The following NR2F1-AS1 variants were observed in gnomAD, a reference collection of about 807,000 sequenced individuals.
NR2F1-AS1 encodes the protein NR2F1 antisense RNA 1.
chr5:93,489,911 G>A (rs1387288651), intron 4 of NR2F1-AS1, among the ~76,000 whole-genome samples: 3 of 152,152 alleles, frequency 2.0e-5, no homozygotes, highest in Non-Finnish European at 4.4e-5. Flanking sequence ...GTGATTTTAT[G>A]TTCCTGCAAA....
At chr5:93,471,606 T>A (rs948096818) in intron 4 of NR2F1-AS1, among the ~76,000 whole-genome samples, 7 of 151,894 alleles carry the variant, frequency 4.6e-5, no homozygotes, top group African/African-American at 1.7e-4. Context: ...ATTTTTCATA[T>A]TTTTAGGAGT....
chr5:93,419,232 A>G (rs528557471), intron 4 of NR2F1-AS1, among the ~76,000 whole-genome samples: 1 of 152,352 alleles, frequency 6.6e-6, no homozygotes, highest in Non-Finnish European at 1.5e-5. Context: ...TGAAAAAAGG[A>G]TGATGGACAA....
At chr5:93,503,235 A>G (rs1026951832) in intron 4 of NR2F1-AS1, among the ~76,000 whole-genome samples, 26 of 152,216 alleles carry the variant, frequency 1.7e-4, no homozygotes, top group African/African-American at 6.3e-4. Context: ...TAAACAGAGT[A>G]ATTTGATTAT....
chr5:93,414,669 C>T (rs1748931107), intron 4 of NR2F1-AS1, among the ~76,000 whole-genome samples: 1 of 152,134 alleles, frequency 6.6e-6, no homozygotes, highest in African/African-American at 2.4e-5. Flanking sequence ...AGCCTTAGGA[C>T]CCAGTTTCCT....
At chr5:93,486,270 AAATT>A (rs568360929) in intron 4 of NR2F1-AS1, among the ~76,000 whole-genome samples, 2,187 of 151,998 alleles carry the variant, frequency 0.014, 59 homozygotes, top group African/African-American at 0.05. Context: ...TAATAATAAT[AAATT>A]AATTAATTTT....
At chr5:93,470,361 T>C (rs1042867454) in intron 4 of NR2F1-AS1, among the ~76,000 whole-genome samples, 1 of 151,928 alleles carries the variant, frequency 6.6e-6, no homozygotes, top group Admixed American at 6.6e-5. Context: ...TGTGCCTAGA[T>C]GCAGGCATTA....
At chr5:93,464,005 T>A (rs987257468) in intron 4 of NR2F1-AS1, among the ~76,000 whole-genome samples, 1 of 152,128 alleles carries the variant, frequency 6.6e-6, no homozygotes, top group Non-Finnish European at 1.5e-5. Flanking sequence ...TGGGAAGGCA[T>A]GATTGGTTTT....
At chr5:93,554,100 C>T (rs771971796) in intron 3 of NR2F1-AS1, among the ~76,000 whole-genome samples, 4 of 152,098 alleles carry the variant, frequency 2.6e-5, no homozygotes, top group African/African-American at 4.8e-5. Context: ...GAAAGCCTGA[C>T]CCCCTGCCTC....
intron 1 of NR2F1-AS1, chr5:93,570,366 C>T (rs996347846): frequency 6.6e-6 from 1 of 152,352 alleles, no homozygotes; most frequent in African/African-American, 2.4e-5. Context: ...GTTAGGCACC[C>T]CAGGAGGATG....
intron 4 of NR2F1-AS1, among the ~76,000 whole-genome samples, chr5:93,518,205 C>T (rs1751435126): frequency 6.6e-6 from 1 of 152,034 alleles, no homozygotes; most frequent in African/African-American, 2.4e-5. Flanking sequence ...TTCAAAATTG[C>T]TTTTATGATA....
At position 93,462,852 on chromosome 5, in the gene NR2F1-AS1, T is replaced by C. The variant is rs1028299097; in HGVS notation, n.639-67310A>G. 2.0e-5 allele frequency among the ~76,000 whole-genome samples: 3 copies of C among 152,114 alleles called. No individual in the cohort carries two copies. In the East Asian group the frequency reaches 5.8e-4, roughly 29 times the overall value. On this transcript the variant is annotated intron_variant and non_coding_transcript_variant, in intron 4 of 5. Coordinates refer to ENST00000660523, the Ensembl canonical transcript of NR2F1-AS1. ...ATTTAGGGTATCTGGCAGAAGAAAT[T>C]TCTAAGCAGCAAAACATTCTAAAGG...
intron 4 of NR2F1-AS1, among the ~76,000 whole-genome samples, chr5:93,426,495 C>T (rs1749198265): frequency 6.6e-6 from 1 of 152,184 alleles, no homozygotes; most frequent in African/African-American, 2.4e-5. Flanking sequence ...AACATAGGCT[C>T]TGGAGTCAAA....
chr5:93,517,397 T>C (rs1751419060), intron 4 of NR2F1-AS1, among the ~76,000 whole-genome samples: 1 of 152,022 alleles, frequency 6.6e-6, no homozygotes, highest in Admixed American at 6.6e-5. Flanking sequence ...GCTGGTGATA[T>C]CTCCTGTTAG....
upstream of NR2F1-AS1, chr5:93,585,121 G>A: frequency 1.0e-6 from 1 of 1,003,232 alleles, no homozygotes; most frequent in Non-Finnish European, 1.2e-6. Flanking sequence ...GCCCGCGGCG[G>A]CGGCGGCGGC....
At chr5:93,582,284 AAAG>A (rs559733282), upstream of NR2F1-AS1, among the ~76,000 whole-genome samples, 51 of 151,756 alleles carry the variant, frequency 3.4e-4, no homozygotes, top group East Asian at 8.3e-3. Context: ...AAAAAAAAAA[AAAG>A]AAGAAGGAAA....
chr5:93,510,633 G>C (rs576975928), intron 4 of NR2F1-AS1, among the ~76,000 whole-genome samples: 6 of 152,094 alleles, frequency 3.9e-5, no homozygotes, highest in Non-Finnish European at 8.8e-5. Context: ...CAAGACTCTG[G>C]AGAGAAAACT....
chr5:93,522,096 C>T (rs1469522497), intron 4 of NR2F1-AS1, among the ~76,000 whole-genome samples: 1 of 152,044 alleles, frequency 6.6e-6, no homozygotes, highest in East Asian at 1.9e-4. Flanking sequence ...CCTTAGCAAA[C>T]GAATGCAGGA....
intron 4 of NR2F1-AS1, among the ~76,000 whole-genome samples, chr5:93,522,821 A>G (rs540098758): frequency 6.6e-6 from 1 of 152,282 alleles, no homozygotes. Context: ...CCCAGATACT[A>G]TGCTTTTCCC....
chr5:93,585,211 C>G, upstream of NR2F1-AS1: 1 of 1,542,644 alleles, frequency 6.5e-7, no homozygotes, highest in Non-Finnish European at 8.7e-7. Flanking sequence ...GCGCCCGCCA[C>G]CCCCGGCACG....
Sources: gnomAD v4.1 joint callset for allele counts (sites outside exome capture counted in the v4.1 genomes callset) on GRCh38, gnomAD v4.1.1 for gene constraint, MANE v1.5 for transcripts, NCBI Gene and HGNC (gene_info 2026-07-23, HGNC 2026-07-21) for gene names.